The following LHCGR variants were observed in gnomAD, a reference collection of about 807,000 sequenced individuals.
The protein encoded by LHCGR is luteinizing hormone/choriogonadotropin receptor.
A neutral mutation model predicts 60.7 loss-of-function variants in LHCGR; 55 were observed. The observed-to-expected ratio is 0.91, with a 90% CI of 0.73 to 1.13. The LOEUF is 1.13. Ranked by LOEUF, LHCGR falls within the 50% of genes most tolerant of loss-of-function variation. The probability of loss-of-function intolerance (pLI) is 0.00; values close to 1 mark genes in which losing one functional copy is unlikely to be tolerated. For missense variants in LHCGR, 862 were observed against 836.0 expected (o/e 1.03, Z -0.38); for synonymous variants, 337 against 316.5 (o/e 1.06, Z -0.69).
intron 1 of LHCGR, among the ~76,000 whole-genome samples, chr2:48,739,746 G>C (rs574034247): frequency 5.9e-5 from 9 of 152,084 alleles, no homozygotes; most frequent in African/African-American, 2.2e-4. Flanking sequence ...ACACCAACAT[G>C]GCACATGTAT....
intron 1 of LHCGR, among the ~76,000 whole-genome samples, chr2:48,744,982 C>T (rs1466922409): frequency 6.6e-6 from 1 of 152,186 alleles, no homozygotes; most frequent in Admixed American, 6.5e-5. Flanking sequence ...CTACAATGAA[C>T]TCAAACAAAT....
intron 10 of LHCGR, among the ~76,000 whole-genome samples, chr2:48,689,698 G>T (rs540738535): frequency 3.3e-5 from 5 of 152,058 alleles, no homozygotes; most frequent in African/African-American, 9.6e-5. Context: ...TACTTCCTGA[G>T]TTTAGGGTCT....
intron 9 of LHCGR, among the ~76,000 whole-genome samples, chr2:48,697,356 A>G (rs1444836284): frequency 6.6e-6 from 1 of 152,230 alleles, no homozygotes; most frequent in Non-Finnish European, 1.5e-5. Flanking sequence ...CAGATCTGTC[A>G]TAACATTTGC....
intron 1 of LHCGR, among the ~76,000 whole-genome samples, chr2:48,751,282 G>C (rs1225064692): frequency 6.6e-6 from 1 of 152,058 alleles, no homozygotes; most frequent in South Asian, 2.1e-4. Context: ...CAACGTCTGA[G>C]TAATCAAAGC....
At chr2:48,705,934 T>C (rs1395662529) in intron 8 of LHCGR, among the ~76,000 whole-genome samples, 1 of 152,236 alleles carries the variant, frequency 6.6e-6, no homozygotes, top group African/African-American at 2.4e-5. Context: ...GATTCTGTCA[T>C]TATGATGCTA....
intron 3 of LHCGR, 129 bp downstream of exon 3, chr2:48,729,024 C>A: frequency 1.2e-6 from 1 of 803,338 alleles, no homozygotes; most frequent in East Asian, 2.4e-5. Flanking sequence ...CCTGCCCAGA[C>A]CTAGTAATTG....
intron 1 of LHCGR, among the ~76,000 whole-genome samples, chr2:48,739,691 T>G (rs1225198402): frequency 6.6e-6 from 1 of 151,956 alleles, no homozygotes; most frequent in African/African-American, 2.4e-5. Context: ...AGGGATAGCA[T>G]TAGGAGATAT....
Position 48,688,952 on chromosome 2 carries a change from CCAT to C in LHCGR, c.948-106_948-104del. On this transcript the variant is annotated intron_variant, in intron 10 of 10. Coordinates refer to ENST00000294954, the MANE Select transcript of LHCGR (RefSeq NM_000233.4). This position sits in a 1 kb window ranked among gnomAD's most constrained non-coding sequence, Gnocchi z 5.2. Reference sequence around the variant, plus strand: ...GGCAAAGAAACAAAAGGAAACAAAGCCATAATAGCCTCAGCCTTACATTTATTT... The same window carrying C: ...GGCAAAGAAACAAAAGGAAACAAAGCAATAGCCTCAGCCTTACATTTATTT... 1.0e-6 allele frequency: 1 copy of C among 974,600 alleles called. No homozygotes were observed. Among genetic ancestry groups the C allele is most frequent in the East Asian group, 2.5e-5 (1 of 39,804 alleles). The allele number at this position is 974,600 out of a possible 1,614,324, so 60.4% of individuals were successfully genotyped here. A position where few individuals can be genotyped will look rare whatever the true frequency, so the allele number is the denominator to read the frequency against.
At chr2:48,734,665 G>C (rs768033289) in intron 1 of LHCGR, among the ~76,000 whole-genome samples, 1 of 152,144 alleles carries the variant, frequency 6.6e-6, no homozygotes, top group Non-Finnish European at 1.5e-5. Context: ...ATTGTGGAAA[G>C]GTCTAGTCGG....
At chr2:48,726,522 T>A (rs1475918596) in intron 3 of LHCGR, among the ~76,000 whole-genome samples, 1 of 152,216 alleles carries the variant, frequency 6.6e-6, no homozygotes, top group African/African-American at 2.4e-5. Flanking sequence ...CCCTAATTAC[T>A]GTGACTCTAC....
At chr2:48,750,433 C>T (rs1438433455) in intron 1 of LHCGR, among the ~76,000 whole-genome samples, 2 of 152,028 alleles carry the variant, frequency 1.3e-5, no homozygotes, top group African/African-American at 2.4e-5. Context: ...GTCTTGCTTC[C>T]CTGAAGTTGA....
Position 48,687,641 on chromosome 2 carries a change from T to C in LHCGR, c.*56A>G. 2.1e-6 allele frequency: 3 copies of C among 1,431,322 alleles called. No individual in the cohort carries two copies. Among genetic ancestry groups the C allele is most frequent in the Non-Finnish European group, 3.0e-6 (3 of 1,015,770 alleles). 88.7% of individuals were successfully genotyped at this position (1,431,322 alleles called of 1,614,324 possible). A position where few individuals can be genotyped will look rare whatever the true frequency, so the allele number is the denominator to read the frequency against. ...TTTATGTTAAAATTACTGGTACAGG[T>C]AATTTTTTTTTACAGGTTTAAGAAC... On this transcript the variant is annotated 3_prime_UTR_variant, in exon 11 of 11. Coordinates refer to ENST00000294954, the MANE Select transcript of LHCGR (RefSeq NM_000233.4).
chr2:48,694,298 A>G lies in LHCGR; in HGVS notation c.873T>C (p.Asn291=). 1 of 1,595,048 alleles carries G rather than the reference A, an allele frequency of 6.3e-7. No individual in the cohort carries two copies. Among genetic ancestry groups the G allele is most frequent in the Non-Finnish European group, 8.6e-7 (1 of 1,165,452 alleles). ...AFRNLPTKEQ[N]FSHSISENFS... is the part of the protein sequence containing the mutation. ...AGTTTTCAGAAATGGAATGTGAAAA[A>G]TTCTGTCTGAAAGAGAAGAGGTTAA... is the stretch of plus-strand genomic sequence containing the variant. Residue 291 remains asparagine, a synonymous_variant, in exon 10 of 11, where the codon AAT becomes AAC. Coordinates refer to ENST00000294954, the MANE Select transcript of LHCGR (RefSeq NM_000233.4).
At chr2:48,695,831 CACTGGGAACATATGAACATA>C (rs1667092180) in intron 9 of LHCGR, among the ~76,000 whole-genome samples, 1 of 152,098 alleles carries the variant, frequency 6.6e-6, no homozygotes, top group Non-Finnish European at 1.5e-5. Flanking sequence ...GGGAGCTAAA[CACTGGGAACATATGAACATA>C]ACTGGGAACA....
chr2:48,689,963 C>T (rs757893437), intron 10 of LHCGR, among the ~76,000 whole-genome samples: 1 of 152,174 alleles, frequency 6.6e-6, no homozygotes, highest in South Asian at 2.1e-4. Context: ...ATCTGCCCGC[C>T]TCGGCCTCCA....
intron 1 of LHCGR, among the ~76,000 whole-genome samples, chr2:48,732,103 A>T (rs1421257485): frequency 6.6e-6 from 1 of 152,202 alleles, no homozygotes; most frequent in Non-Finnish European, 1.5e-5. Flanking sequence ...CAGAAATGCA[A>T]AACCAGTATA....
intron 7 of LHCGR, among the ~76,000 whole-genome samples, chr2:48,709,974 G>C (rs62135391): frequency 2.6e-5 from 4 of 152,158 alleles, no homozygotes; most frequent in Non-Finnish European, 4.4e-5. Flanking sequence ...GGTGGGAACA[G>C]TGTGCATCTA....
intron 6 of LHCGR, chr2:48,720,339 GT>G (rs1382593901): frequency 3.3e-5 from 5 of 152,044 alleles, no homozygotes; most frequent in Non-Finnish European, 7.4e-5. Flanking sequence ...CTGCCTTTTC[GT>G]TCCTACTTCA....
intron 8 of LHCGR, among the ~76,000 whole-genome samples, chr2:48,706,460 G>C (rs1181073497): frequency 6.6e-6 from 1 of 152,170 alleles, no homozygotes; most frequent in Non-Finnish European, 1.5e-5. Flanking sequence ...GGTTGGGGAA[G>C]TTCTGGATAA....
Sources: gnomAD v4.1 joint callset for allele counts (sites outside exome capture counted in the v4.1 genomes callset) on GRCh38, gnomAD v4.1.1 for gene constraint, Gnocchi (gnomAD v3.1) non-coding constraint, MANE v1.5 for transcripts, NCBI Gene and HGNC (gene_info 2026-07-23, HGNC 2026-07-21) for gene names.